TXNDC16: variants seen among roughly 807,000 people sequenced by gnomAD.
The protein encoded by TXNDC16 is thioredoxin domain containing 16.
TXNDC16 carries 74 observed loss-of-function variants against 85.6 expected under a neutral mutation model. That is an observed-to-expected ratio of 0.86 (90% CI 0.72 to 1.05). The LOEUF (loss-of-function observed/expected upper bound fraction) is 1.05. Among genes scored for constraint, TXNDC16 ranks in the 50% least tolerant of loss-of-function variants. The pLI, the probability that TXNDC16 is intolerant of heterozygous loss-of-function variation, is 0.00. For synonymous variants in TXNDC16, 335 were observed against 326.5 expected, an observed-to-expected ratio of 1.03 and a Z score of -0.28; for missense variants, 959 against 947.0, an observed-to-expected ratio of 1.01 and a Z score of -0.17.
chr14:52,450,858 TA>T (rs1265213173), intron 18 of TXNDC16, among the ~76,000 whole-genome samples: 1 of 34,564 alleles, frequency 2.9e-5, no homozygotes, highest in Non-Finnish European at 4.6e-5. Flanking sequence ...GTGTTTTATA[TA>T]TATATATATA....
At chr14:52,472,117 C>T (rs1185052865) in intron 14 of TXNDC16, among the ~76,000 whole-genome samples, 3 of 151,254 alleles carry the variant, frequency 2.0e-5, no homozygotes, top group Non-Finnish European at 4.4e-5. Context: ...GATTACTTCT[C>T]ATAGATGTAA....
chr14:52,470,525 T>C lies in TXNDC16; in HGVS notation c.1468A>G (p.Lys490Glu), dbSNP rs1714896026. 6.2e-7 allele frequency: 1 copy of C among 1,612,608 alleles called. No homozygotes were observed. Among genetic ancestry groups the C allele is most frequent in the African/African-American group, 1.3e-5 (1 of 74,854 alleles). ...CTGAATACTTACAGCTGGATAAATTTTAGGAGATCTTCGGTTCCTAACATT... is the reference window on the plus strand; with the variant it reads ...CTGAATACTTACAGCTGGATAAATTCTAGGAGATCTTCGGTTCCTAACATT... The part of the protein sequence containing the change: ...AGMLGTEDLL[K>E]FIQLNRISYP... Residue 490 changes from lysine to glutamate, a missense_variant, in exon 15 of 21, where the codon AAA becomes GAA. Lys to Glu is a moderately conservative substitution (Grantham distance 56). Transcript: ENST00000281741.
chr14:52,537,499 C>T, intron 5 of TXNDC16, 100 bp downstream of exon 5: 1 of 868,766 alleles, frequency 1.2e-6, no homozygotes, highest in South Asian at 1.5e-5. Flanking sequence ...ATGATCCCCC[C>T]TACATATGAC....
At chr14:52,495,370 T>C (rs1033752186) in intron 9 of TXNDC16, among the ~76,000 whole-genome samples, 15 of 152,232 alleles carry the variant, frequency 9.9e-5, no homozygotes, top group Non-Finnish European at 1.5e-4. Flanking sequence ...TTTTCAAGAA[T>C]GAGCAAATAA....
intron 9 of TXNDC16, among the ~76,000 whole-genome samples, chr14:52,493,084 T>C (rs1191273088): frequency 6.6e-6 from 1 of 151,212 alleles, no homozygotes; most frequent in Non-Finnish European, 1.5e-5. Context: ...AAGACCAGCC[T>C]GGGCTACAAA....
At chr14:52,462,358 C>T (rs1277709618) in intron 16 of TXNDC16, among the ~76,000 whole-genome samples, 1 of 152,198 alleles carries the variant, frequency 6.6e-6, no homozygotes, top group Non-Finnish European at 1.5e-5. Flanking sequence ...CTCCATCATC[C>T]AGACTGAGTG....
intron 11 of TXNDC16, among the ~76,000 whole-genome samples, chr14:52,488,835 A>AAAAAAAAAAC (rs1566555924): frequency 3.2e-5 from 4 of 126,112 alleles, no homozygotes; most frequent in Non-Finnish European, 7.1e-5. Context: ...CTCTGGGAAA[A>AAAAAAAAAAC]AAAAAAAAAA....
At chr14:52,434,355 C>T (rs2034978665) in intron 20 of TXNDC16, among the ~76,000 whole-genome samples, 1 of 152,314 alleles carries the variant, frequency 6.6e-6, no homozygotes, top group Admixed American at 6.5e-5. Flanking sequence ...CTACAAAGAT[C>T]TTAATGTTTT....
chr14:52,538,177 A>G (rs1211571132), intron 4 of TXNDC16, among the ~76,000 whole-genome samples: 2 of 151,990 alleles, frequency 1.3e-5, no homozygotes, highest in South Asian at 2.1e-4. Context: ...CTGGGCTGAA[A>G]CTCCTAAAAG....
Position 52,488,495 on chromosome 14 carries a change from AC to A in TXNDC16, c.985-10del. The A allele has an allele frequency of 6.3e-7, 1 of 1,579,626 alleles. No individual in the cohort carries two copies. The highest frequency in any genetic ancestry group is 8.7e-7 in the Non-Finnish European group (1 of 1,156,032). ...AATTCCACTGGAACTCCCTAGAAAT[AC>A]ATTAATTTTTAAAAAATGAATATAG... On this transcript the variant is annotated splice_polypyrimidine_tract_variant and intron_variant, in intron 11 of 20. Coordinates refer to ENST00000281741, the MANE Select transcript of TXNDC16 (RefSeq NM_020784.3).
At chr14:52,458,730 G>C (rs978600070) in intron 16 of TXNDC16, among the ~76,000 whole-genome samples, 1 of 152,166 alleles carries the variant, frequency 6.6e-6, no homozygotes, top group Non-Finnish European at 1.5e-5. Context: ...TATATCTAAA[G>C]CAATGACATA....
chr14:52,549,727 TC>T (rs2038007763), intron 1 of TXNDC16, among the ~76,000 whole-genome samples: 1 of 150,794 alleles, frequency 6.6e-6, no homozygotes. Flanking sequence ...AAGTTCTGCC[TC>T]CCCGGTTCAT....
intron 6 of TXNDC16, among the ~76,000 whole-genome samples, chr14:52,522,915 A>T (rs1200478746): frequency 6.6e-6 from 1 of 152,214 alleles, no homozygotes; most frequent in Non-Finnish European, 1.5e-5. Flanking sequence ...AGATAAGTTC[A>T]TGGGGCTTAA....
intron 6 of TXNDC16, among the ~76,000 whole-genome samples, chr14:52,528,366 C>T (rs1330864237): frequency 6.6e-6 from 1 of 152,056 alleles, no homozygotes; most frequent in Non-Finnish European, 1.5e-5. Flanking sequence ...ATTTTGAGAA[C>T]AATCCAAACA....
chr14:52,542,487 A>AACAT, intron 3 of TXNDC16, 34 bp from the exon 4 acceptor site: 1 of 1,498,128 alleles, frequency 6.7e-7, no homozygotes, highest in Non-Finnish European at 9.2e-7. Flanking sequence ...ATGTTTATGA[A>AACAT]TTGCCCCTTA....
chr14:52,448,832 T>C (rs1163669003), intron 18 of TXNDC16, among the ~76,000 whole-genome samples: 1 of 152,108 alleles, frequency 6.6e-6, no homozygotes, highest in Non-Finnish European at 1.5e-5. Context: ...TGTAGAGTTT[T>C]TATTAGTTTT....
At chr14:52,528,895 CTATTATATA>C (rs1189883261) in intron 6 of TXNDC16, among the ~76,000 whole-genome samples, 1 of 145,276 alleles carries the variant, frequency 6.9e-6, no homozygotes, top group East Asian at 2.0e-4. Context: ...TCTATAATAC[CTATTATATA>C]TATTATCTAT....
intron 6 of TXNDC16, among the ~76,000 whole-genome samples, chr14:52,530,298 A>ATATTATTATAT (rs1566582038): frequency 1.9e-5 from 1 of 52,042 alleles, no homozygotes; most frequent in African/African-American, 8.0e-5. Flanking sequence ...TATTATATAT[A>ATATTATTATAT]ATATTAATAT....
chr14:52,527,883 T>C (rs924743827), intron 6 of TXNDC16, among the ~76,000 whole-genome samples: 30 of 142,262 alleles, frequency 2.1e-4, no homozygotes, highest in African/African-American at 2.6e-5. Flanking sequence ...CCTAACCATT[T>C]GATTTATTTC....
Sources: gnomAD v4.1 joint callset for allele counts (sites outside exome capture counted in the v4.1 genomes callset) on GRCh38, gnomAD v4.1.1 for gene constraint, MANE v1.5 for transcripts, NCBI Gene and HGNC (gene_info 2026-07-23, HGNC 2026-07-21) for gene names.